The following CRLF2 variants were observed in gnomAD, a reference collection of about 807,000 sequenced individuals.
The protein encoded by CRLF2 is cytokine receptor-like factor 2.
In CRLF2, 41 loss-of-function variants were observed where a neutral mutation model predicts 38.7. The ratio of observed to expected loss-of-function variants is 1.06; its 90% CI spans 0.83 to 1.37. The LOEUF (loss-of-function observed/expected upper bound fraction) is 1.37, where lower values mean the gene tolerates loss of function less well. Ranked by LOEUF, CRLF2 falls within the 40% of genes most tolerant of loss-of-function variation. The probability of loss-of-function intolerance (pLI) is 0.00; values close to 1 mark genes in which losing one functional copy is unlikely to be tolerated. For synonymous variants in CRLF2, 140 were observed against 128.8 expected, an observed-to-expected ratio of 1.09 and a Z score of -0.59; for missense variants, 377 against 322.2, an observed-to-expected ratio of 1.17 and a Z score of -1.30.
chrX:1,196,085 T>G (rs1157427969), intron 6 of CRLF2, among the ~76,000 whole-genome samples: 5 of 149,060 alleles, frequency 3.4e-5, no homozygotes, highest in Non-Finnish European at 5.9e-5. Flanking sequence ...TTCTTCATGT[T>G]GGCCAGGCTG....
In CRLF2 at chrX:1,197,093, C is replaced by CTTTTT. The variant is rs371615837; in HGVS notation, c.647-198_647-194dup. ...AATATTCGTGTCAGCAAATCTTTTA[C>CTTTTT]TTTTTTTTTTTTTTTTTGAGACAGA... On this transcript the variant is annotated intron_variant, in intron 5 of 7. Coordinates refer to ENST00000400841, the MANE Select transcript of CRLF2 (RefSeq NM_022148.4). 4.7e-3 allele frequency among the ~76,000 whole-genome samples: 553 copies of CTTTTT among 118,574 alleles called. 12 individuals carry two copies. The highest frequency in any genetic ancestry group is 0.018 in the African/African-American group (531 of 30,158). 77.8% of individuals were successfully genotyped at this position (118,574 alleles called of 152,430 possible). A position where few individuals can be genotyped will look rare whatever the true frequency, so the allele number is the denominator to read the frequency against.
intron 7 of CRLF2, among the ~76,000 whole-genome samples, chrX:1,193,005 G>A (rs2086420555): frequency 6.6e-6 from 1 of 151,356 alleles, no homozygotes. Context: ...GTAGAGATGG[G>A]GTTTCACATG....
Position 1,198,479 on chromosome X carries a change from T to C in CRLF2, c.646+83A>G. ...CACCTCGAAGGCAGGACACCCTCCC[T>C]CCCACCTCCCGGGAAGGCAGTGGCT... is the stretch of plus-strand genomic sequence containing the variant. On this transcript the variant is annotated intron_variant, in intron 5 of 7. Coordinates refer to ENST00000400841, the MANE Select transcript of CRLF2 (RefSeq NM_022148.4). 4 of 1,128,252 alleles carry C rather than the reference T, an allele frequency of 3.5e-6. No individual in the cohort carries two copies. In the South Asian group the frequency reaches 5.0e-5, roughly 14 times the overall value. 69.9% of individuals were successfully genotyped at this position (1,128,252 alleles called of 1,614,324 possible). A position where few individuals can be genotyped will look rare whatever the true frequency, so the allele number is the denominator to read the frequency against.
chrX:1,197,689 C>A (rs1465327151), intron 5 of CRLF2, among the ~76,000 whole-genome samples: 1 of 151,902 alleles, frequency 6.6e-6, no homozygotes, highest in African/African-American at 2.4e-5. Context: ...TGGTGCGTGC[C>A]TGTAGTCCCA....
At chrX:1,193,105 G>A (rs1381737844) in intron 7 of CRLF2, 113 bp downstream of exon 7, 28 of 394,086 alleles carry the variant, frequency 7.1e-5, no homozygotes, top group South Asian at 1.3e-4. Flanking sequence ...GAGCCACTGC[G>A]CCCGGCTGTT....
intron 5 of CRLF2, 63 bp from the exon 6 acceptor site, chrX:1,196,963 C>T (rs184934954): frequency 1.0e-4 from 155 of 1,493,426 alleles, no homozygotes; most frequent in Middle Eastern, 2.0e-4. Flanking sequence ...ACGTTTTCAA[C>T]GTGATGTTAC....
At chrX:1,192,708 TTTTCTTTCTTTCTTTCTTTC>T (rs1165440754) in intron 7 of CRLF2, among the ~76,000 whole-genome samples, 11,531 of 109,998 alleles carry the variant, frequency 0.1, 1,049 homozygotes, top group African/African-American at 0.25. Flanking sequence ...TTTTCTTTTC[TTTTCTTTCTTTCTTTCTTTC>T]TTTCTTTCTT....
At chrX:1,201,159 A>T (rs1418005726) in intron 4 of CRLF2, among the ~76,000 whole-genome samples, 1 of 152,144 alleles carries the variant, frequency 6.6e-6, no homozygotes, top group African/African-American at 2.4e-5. Flanking sequence ...GGTATAGAAG[A>T]AAATAATTGG....
chrX:1,212,262 C>T (rs112572810), intron 1 of CRLF2, among the ~76,000 whole-genome samples: 5 of 151,436 alleles, frequency 3.3e-5, no homozygotes, highest in Middle Eastern at 6.9e-3. Flanking sequence ...GACACACACA[C>T]GCACACATAC....
In CRLF2 at chrX:1,205,886, G is replaced by GT. The variant is rs755067490; in HGVS notation, c.349+546dup. Among the ~76,000 whole-genome samples, 64 of 151,372 alleles carry GT rather than the reference G, an allele frequency of 4.2e-4. 1 individual carries two copies. The highest frequency in any genetic ancestry group is 1.3e-3 in the South Asian group (6 of 4,800). On this transcript the variant is annotated intron_variant, in intron 3 of 7. Transcript: ENST00000400841. ...AGCTGAAGGAAGTACGAAAAGCATG[G>GT]TGAGCTTGCTTTTCAATAGTTATGG...
At chrX:1,212,374 C>G (rs1278839737) in intron 1 of CRLF2, among the ~76,000 whole-genome samples, 182 bp downstream of exon 1, 2 of 146,620 alleles carry the variant, frequency 1.4e-5, no homozygotes, top group Non-Finnish European at 3.0e-5. Context: ...TATGTTTTGT[C>G]CCAGCTACTT....
chrX:1,197,785 G>C (rs1199490196), intron 5 of CRLF2, among the ~76,000 whole-genome samples: 3 of 151,564 alleles, frequency 2.0e-5, no homozygotes, highest in Non-Finnish European at 2.9e-5. Flanking sequence ...CTGAACTCCA[G>C]CCTGGACCAC....
chrX:1,192,057 C>T (rs1172663241), intron 7 of CRLF2, among the ~76,000 whole-genome samples: 352 of 148,066 alleles, frequency 2.4e-3, no homozygotes, highest in Non-Finnish European at 3.7e-3. Context: ...TACAAAAAAT[C>T]AGCCGGGTGT....
chrX:1,195,639 G>A (rs1250619197), intron 6 of CRLF2, among the ~76,000 whole-genome samples: 1 of 149,250 alleles, frequency 6.7e-6, no homozygotes, highest in Non-Finnish European at 1.5e-5. Context: ...GTATAATGGT[G>A]CAATCTCAGC....
At chrX:1,197,694 G>A (rs142019064) in intron 5 of CRLF2, among the ~76,000 whole-genome samples, 8,846 of 151,802 alleles carry the variant, frequency 0.058, 395 homozygotes, top group Admixed American at 0.12. Context: ...CGTGCCTGTA[G>A]TCCCAGCTAC....
At chrX:1,206,620 C>A in intron 2 of CRLF2, 21 bp from the exon 3 acceptor site, 1 of 1,607,614 alleles carries the variant, frequency 6.2e-7, no homozygotes, top group Non-Finnish European at 8.5e-7. Context: ...AAACGATGAC[C>A]ATTCAGCAAC....
At chrX:1,211,241 G>GTGGGTGGATGGA (rs1310435175) in intron 1 of CRLF2, among the ~76,000 whole-genome samples, 6 of 143,418 alleles carry the variant, frequency 4.2e-5, no homozygotes, top group Non-Finnish European at 9.2e-5. Context: ...GGATGGGTGG[G>GTGGGTGGATGGA]TGGGTGGATG....
At position 1,193,105 on chromosome X, in the gene CRLF2, G is replaced by T. The variant is rs1381737844; in HGVS notation, c.852+113C>A. On this transcript the variant is annotated intron_variant, in intron 7 of 7. Coordinates refer to ENST00000400841, the MANE Select transcript of CRLF2 (RefSeq NM_022148.4). ...TGGGATGACAGGCGTGAGCCACTGCGCCCGGCTGTTAATGTCATTCTCTAA... is the reference window on the plus strand; with the variant it reads ...TGGGATGACAGGCGTGAGCCACTGCTCCCGGCTGTTAATGTCATTCTCTAA... 18 of 394,086 alleles carry T rather than the reference G, an allele frequency of 4.6e-5. No homozygotes were observed. In the East Asian group the frequency reaches 6.5e-4, roughly 14 times the overall value. The allele number at this position is 394,086 out of a possible 1,614,324, so 24.4% of individuals were successfully genotyped here.
intron 3 of CRLF2, among the ~76,000 whole-genome samples, chrX:1,204,034 G>C (rs1277374293): frequency 6.8e-6 from 1 of 147,050 alleles, no homozygotes; most frequent in African/African-American, 2.5e-5. Flanking sequence ...TTAACAGCCA[G>C]TTCTCAACGC....
Sources: allele counts gnomAD v4.1 joint callset (sites outside exome capture counted in the v4.1 genomes callset), GRCh38; gene constraint gnomAD v4.1.1; transcripts MANE v1.5; gene names NCBI Gene and HGNC (gene_info 2026-07-23, HGNC 2026-07-21).